The following WWC2 variants were observed in gnomAD, a reference collection of about 807,000 sequenced individuals.
WWC2 encodes the protein WW and C2 domain containing 2, also known as protein WWC2.
In WWC2, 101 loss-of-function variants were observed where a neutral mutation model predicts 138.5. The observed-to-expected ratio is 0.73, with a 90% CI of 0.62 to 0.86. The LOEUF (loss-of-function observed/expected upper bound fraction) is 0.86. WWC2 is among the 40% of genes least tolerant of loss of function. The pLI, the probability that WWC2 is intolerant of heterozygous loss-of-function variation, is 0.00. For missense variants in WWC2, 1,420 were observed against 1,419.4 expected (o/e 1.00, Z -0.01); for synonymous variants, 558 against 538.4 (o/e 1.04, Z -0.50).
intron 1 of WWC2, among the ~76,000 whole-genome samples, chr4:183,181,652 G>GT (rs1447910108): frequency 6.6e-6 from 1 of 152,148 alleles, no homozygotes; most frequent in Non-Finnish European, 1.5e-5. Flanking sequence ...TTACTTGACT[G>GT]TTTATGTATT....
intron 1 of WWC2, among the ~76,000 whole-genome samples, chr4:183,163,901 T>C (rs1734032720): frequency 6.6e-6 from 1 of 151,958 alleles, no homozygotes; most frequent in African/African-American, 2.4e-5. Context: ...TTAATGGGAG[T>C]GGCTAGCTTT....
rs372555239 is a variant in WWC2 at position 183,245,138 on chromosome 4, A to C, written c.603-278A>C. 6.0e-5 allele frequency among the ~76,000 whole-genome samples: 9 copies of C among 151,026 alleles called. No individual in the cohort carries two copies. In the East Asian group the frequency reaches 9.8e-4, roughly 16 times the overall value. On this transcript the variant is annotated intron_variant, in intron 5 of 22. Coordinates refer to ENST00000403733, the MANE Select transcript of WWC2 (RefSeq NM_024949.6). ...GCTACTTGGGAGGCTGAGGCAGGAG[A>C]ATTACTTGAACCCAGGAGGCGTAGT...
chr4:183,234,946 T>G (rs1161026253), intron 4 of WWC2, among the ~76,000 whole-genome samples: 2 of 152,168 alleles, frequency 1.3e-5, no homozygotes, highest in Non-Finnish European at 2.9e-5. Context: ...AAAACAGTGA[T>G]CCTCCAGTAG....
chr4:183,250,011 G>A lies in WWC2; in HGVS notation c.953+18G>A. 1 of 1,608,158 alleles carries A rather than the reference G, an allele frequency of 6.2e-7. No individual in the cohort carries two copies. Among genetic ancestry groups the A allele is most frequent in the South Asian group, 1.1e-5 (1 of 90,656 alleles). Reference sequence around the variant, plus strand: ...AAAAGAAGGTAATGACAGAGAAGCTGTTTTGTGCATGGCTCAAACATTTTC... The same window carrying A: ...AAAAGAAGGTAATGACAGAGAAGCTATTTTGTGCATGGCTCAAACATTTTC... On this transcript the variant is annotated intron_variant, in intron 8 of 22. Coordinates refer to ENST00000403733, the MANE Select transcript of WWC2 (RefSeq NM_024949.6).
At chr4:183,212,963 GCC>G (rs906540617) in intron 4 of WWC2, among the ~76,000 whole-genome samples, 2 of 152,064 alleles carry the variant, frequency 1.3e-5, no homozygotes, top group Non-Finnish European at 2.9e-5. Context: ...GGAGAGAGAC[GCC>G]CTCTTCAAGA....
chr4:183,227,547 TAAAAA>T (rs949063290), intron 4 of WWC2, among the ~76,000 whole-genome samples: 1 of 151,454 alleles, frequency 6.6e-6, no homozygotes, highest in Admixed American at 6.6e-5. Context: ...TTTTAAGAAA[TAAAAA>T]AAGAGATTGG....
intron 5 of WWC2, 104 bp downstream of exon 5, chr4:183,240,366 G>A (rs963036827): frequency 1.1e-4 from 94 of 829,248 alleles, no homozygotes; most frequent in African/African-American, 2.5e-4. Flanking sequence ...TTAAAGAAAC[G>A]TAAAGTAAAA....
chr4:183,283,394 G>A (rs1178714428), intron 18 of WWC2, among the ~76,000 whole-genome samples: 2 of 152,224 alleles, frequency 1.3e-5, no homozygotes, highest in African/African-American at 4.8e-5. Flanking sequence ...AGTTAAGTGA[G>A]AGATGTATTG....
Position 183,157,824 on chromosome 4 carries a change from T to C in WWC2, c.132-35775T>C, listed in dbSNP as rs75195407. On this transcript the variant is annotated intron_variant, in intron 1 of 22. Transcript: ENST00000403733. The stretch of plus-strand genomic sequence containing the variant: ...CTGTGTCACTTAATTTTTTTTTTTT[T>C]CACTGTCTTCTGAATTTCCCCTTTT... Among the ~76,000 whole-genome samples, 601 of 149,894 alleles carry C rather than the reference T, an allele frequency of 4.0e-3. 1 individual carries two copies. The highest frequency in any genetic ancestry group is 6.5e-3 in the African/African-American group (264 of 40,860).
intron 1 of WWC2, among the ~76,000 whole-genome samples, chr4:183,189,536 C>G (rs1734930186): frequency 6.6e-6 from 1 of 152,030 alleles, no homozygotes; most frequent in African/African-American, 2.4e-5. Context: ...TTTATCCTTG[C>G]TTTAAAATTC....
intron 1 of WWC2, among the ~76,000 whole-genome samples, chr4:183,137,105 G>A (rs77905755): frequency 0.019 from 2,853 of 152,202 alleles, 96 homozygotes; most frequent in African/African-American, 0.066. Flanking sequence ...AGTCAGTGGC[G>A]AGTGACTGTG....
intron 1 of WWC2, among the ~76,000 whole-genome samples, chr4:183,159,364 A>ATTAC (rs1245342367): frequency 6.6e-6 from 1 of 152,138 alleles, no homozygotes. Context: ...CACAGCTGCC[A>ATTAC]TTACTGCTGC....
intron 1 of WWC2, among the ~76,000 whole-genome samples, chr4:183,154,026 A>AAAAC (rs1561438959): frequency 3.4e-5 from 5 of 145,596 alleles, no homozygotes; most frequent in African/African-American, 1.4e-4. Context: ...AAAAAAAAAA[A>AAAAC]AACCCCAAAT....
rs148017316 is a variant in WWC2 at position 183,178,889 on chromosome 4, G to C, written c.132-14710G>C. Among the ~76,000 whole-genome samples the C allele has an allele frequency of 5.3e-5, 8 of 152,278 alleles. No homozygotes were observed. The East Asian group carries it at 1.4e-3, about 26-fold the overall frequency. On this transcript the variant is annotated intron_variant, in intron 1 of 22. Transcript: ENST00000403733. ...TTCCTGAGGTTAACTTTATGAATCT[G>C]TGTCTGAGTAAAATACTTGTCAGTA...
intron 1 of WWC2, among the ~76,000 whole-genome samples, chr4:183,130,567 A>C (rs915367223): frequency 6.6e-6 from 1 of 152,236 alleles, no homozygotes; most frequent in Non-Finnish European, 1.5e-5. Context: ...AGTCCTTGAC[A>C]GCAACTCTAA....
intron 8 of WWC2, among the ~76,000 whole-genome samples, chr4:183,253,445 A>G (rs1273779517): frequency 6.6e-6 from 1 of 152,168 alleles, no homozygotes; most frequent in Non-Finnish European, 1.5e-5. Context: ...CGTGGCGCCC[A>G]GAGCACTCAG....
Position 183,280,747 on chromosome 4 carries a change from T to G in WWC2, c.2563-29T>G, listed in dbSNP as rs1233680823. 4 of 1,580,590 alleles carry G rather than the reference T, an allele frequency of 2.5e-6. No individual in the cohort carries two copies. In the East Asian group the frequency reaches 6.8e-5, roughly 27 times the overall value. The stretch of plus-strand genomic sequence containing the variant: ...AAGTCATTTTTTCAAGTATATTATG[T>G]TAATTGCCGTATGCTTTACATTCTT... On this transcript the variant is annotated intron_variant, in intron 16 of 22. Transcript: ENST00000403733.
intron 1 of WWC2, among the ~76,000 whole-genome samples, chr4:183,139,520 A>G (rs1456496335): frequency 6.6e-6 from 1 of 152,136 alleles, no homozygotes; most frequent in Non-Finnish European, 1.5e-5. Context: ...AAAACCTTAC[A>G]GTCATTGTGT....
intron 1 of WWC2, among the ~76,000 whole-genome samples, chr4:183,130,606 A>T (rs1355541859): frequency 4.6e-5 from 7 of 152,154 alleles, no homozygotes; most frequent in African/African-American, 1.7e-4. Flanking sequence ...TCCATTTTTT[A>T]AAGAGGTTTA....
Sources: gnomAD v4.1 joint callset for allele counts (sites outside exome capture counted in the v4.1 genomes callset) on GRCh38, gnomAD v4.1.1 for gene constraint, MANE v1.5 for transcripts, NCBI Gene and HGNC (gene_info 2026-07-23, HGNC 2026-07-21) for gene names.